Variants in TRIM33 observed in about 807,000 individuals in gnomAD.
The protein encoded by TRIM33 is E3 ubiquitin-protein ligase TRIM33.
In TRIM33, 20 loss-of-function variants were observed where a neutral mutation model predicts 125.4. The ratio of observed to expected loss-of-function variants is 0.16; its 90% CI spans 0.11 to 0.23. TRIM33 has a LOEUF of 0.23. Ranked by LOEUF, TRIM33 falls within the 10% of genes least tolerant of loss-of-function variation. TRIM33 has a pLI of 1.00. For synonymous variants in TRIM33, 564 were observed against 513.9 expected (o/e 1.10, Z -1.32); for missense variants, 920 against 1,411.4 (o/e 0.65, Z 5.58).
intron 1 of TRIM33, among the ~76,000 whole-genome samples, chr1:114,499,605 TAA>T (rs1409468609): frequency 6.6e-6 from 1 of 151,908 alleles, no homozygotes; most frequent in East Asian, 1.9e-4. Context: ...TATAGTAAAC[TAA>T]AAGTCTGCTT....
intron 4 of TRIM33, among the ~76,000 whole-genome samples, chr1:114,455,635 G>C (rs914570534): frequency 1.3e-5 from 2 of 152,132 alleles, no homozygotes; most frequent in Non-Finnish European, 2.9e-5. Flanking sequence ...TTTTAAAATG[G>C]GATGAATAAA....
intron 1 of TRIM33, among the ~76,000 whole-genome samples, chr1:114,478,176 C>T (rs1369317541): frequency 6.6e-6 from 1 of 152,192 alleles, no homozygotes; most frequent in African/African-American, 2.4e-5. Flanking sequence ...GGCACTGGCC[C>T]TCTTGCTTGA....
At chr1:114,447,794 A>G (rs1649079224) in intron 4 of TRIM33, among the ~76,000 whole-genome samples, 1 of 152,226 alleles carries the variant, frequency 6.6e-6, no homozygotes, top group Non-Finnish European at 1.5e-5. Context: ...AGGAACATTA[A>G]ACATGTGAAA....
rs1303078150 is a variant in TRIM33 at position 114,424,230 on chromosome 1, AT to A, written c.1860+360del. ...TTATATATTAGGATCAAAAAGCCAC[AT>A]TAAAAGAGCAGAGCAGCATTTTCAG... On this transcript the variant is annotated intron_variant, in intron 10 of 19. Coordinates refer to ENST00000358465, the MANE Select transcript of TRIM33 (RefSeq NM_015906.4). Among the ~76,000 whole-genome samples the A allele has an allele frequency of 3.9e-5, 6 of 152,312 alleles. No homozygotes were observed. The East Asian group carries it at 1.2e-3, about 29-fold the overall frequency.
intron 1 of TRIM33, among the ~76,000 whole-genome samples, chr1:114,500,965 C>T (rs913915739): frequency 3.1e-5 from 2 of 64,974 alleles, no homozygotes; most frequent in Admixed American, 1.2e-4. Flanking sequence ...CCGAGGCGGG[C>T]GGATCACGAG....
chr1:114,480,666 A>G (rs747901521), intron 1 of TRIM33, among the ~76,000 whole-genome samples: 7 of 152,156 alleles, frequency 4.6e-5, no homozygotes, highest in Non-Finnish European at 1.0e-4. Context: ...ACACACGGAA[A>G]ACAACTAGCA....
chr1:114,498,805 A>G (rs760500052), intron 1 of TRIM33, among the ~76,000 whole-genome samples: 5 of 152,198 alleles, frequency 3.3e-5, no homozygotes, highest in Non-Finnish European at 5.9e-5. Flanking sequence ...TAATAGTTCA[A>G]TAAGAGTGGG....
At chr1:114,481,975 G>A (rs915660215) in intron 1 of TRIM33, among the ~76,000 whole-genome samples, 1 of 152,136 alleles carries the variant, frequency 6.6e-6, no homozygotes, top group Non-Finnish European at 1.5e-5. Flanking sequence ...TGGCGCGGCT[G>A]GTCTTGAACT....
At chr1:114,447,913 G>A (rs1042721890) in intron 4 of TRIM33, among the ~76,000 whole-genome samples, 1 of 152,202 alleles carries the variant, frequency 6.6e-6, no homozygotes, top group African/African-American at 2.4e-5. Flanking sequence ...GTACAATGCT[G>A]ACAGTCAAAA....
intron 1 of TRIM33, among the ~76,000 whole-genome samples, chr1:114,481,860 A>C (rs1369147358): frequency 6.6e-6 from 1 of 151,820 alleles, no homozygotes; most frequent in Non-Finnish European, 1.5e-5. Flanking sequence ...ACCCAGTTCA[A>C]GTGATTCTCC....
rs767166695 is a variant in TRIM33, at chr1:114,397,603, T to C, written c.*45A>G. 6.8e-6 allele frequency: 8 copies of C among 1,172,326 alleles called. No individual in the cohort carries two copies. Among genetic ancestry groups the C allele is most frequent in the South Asian group, 1.4e-5 (1 of 73,236 alleles). 72.6% of individuals were successfully genotyped at this position (1,172,326 alleles called of 1,614,324 possible). A position where few individuals can be genotyped will look rare whatever the true frequency, so the allele number is the denominator to read the frequency against. On this transcript the variant is annotated 3_prime_UTR_variant, in exon 20 of 20. Coordinates refer to ENST00000358465, the MANE Select transcript of TRIM33 (RefSeq NM_015906.4). ...GGGTTTTTTGTGTTTTTTTTTTTTT[T>C]TTCGTTTTTTTTTTTTTAAACAATT... is the stretch of plus-strand genomic sequence containing the variant.
intron 4 of TRIM33, among the ~76,000 whole-genome samples, chr1:114,456,072 A>G (rs1649599229): frequency 6.6e-6 from 1 of 152,226 alleles, no homozygotes; most frequent in African/African-American, 2.4e-5. Context: ...GTAAACATTT[A>G]GATTAAAACT....
Position 114,463,454 on chromosome 1 carries a change from A to T in TRIM33, c.748T>A (p.Phe250Ile), listed in dbSNP as rs376985237. ...TTCCTGATCAAGTGATCTTTAGTAA[A>T]TTTTACTCTTTGATGTGCTTCGATA... ...TCIEAHQRVK[F>I]TKDHLIRKKE... is the part of the protein sequence containing the mutation. The change falls in exon 3 of 20, where the codon TTT becomes ATT. Residue 250 changes from phenylalanine to isoleucine, a missense_variant. Phe to Ile is a conservative substitution (Grantham distance 21). This residue lies in a region of TRIM33 where 24 missense variants were observed against 83.9 expected (regional missense o/e 0.29). Transcript: ENST00000358465. The T allele has an allele frequency of 6.2e-7, 1 of 1,613,308 alleles. No homozygotes were observed. Among genetic ancestry groups the T allele is most frequent in the Non-Finnish European group, 8.5e-7 (1 of 1,179,562 alleles).
intron 1 of TRIM33, among the ~76,000 whole-genome samples, chr1:114,469,971 T>C (rs1422515124): frequency 6.6e-6 from 1 of 152,224 alleles, no homozygotes; most frequent in East Asian, 1.9e-4. Flanking sequence ...ATAATGTCAG[T>C]AAGTATTTCC....
In TRIM33 at chr1:114,510,856, G is replaced by A. The variant is rs756095866; in HGVS notation, c.221C>T (p.Ser74Leu). The change falls in exon 1 of 20, where the codon TCG becomes TTG. Residue 74 changes from serine (S) to leucine (L), a missense_variant. Transcript: ENST00000358465. ...DGGVAAASSG[S>L]AQAASSPAAS... is the part of the protein sequence containing the mutation. ...CGCAGGAGATGAAGCAGCCTGGGCCGAGCCCGAGGAGGCCGCGGCCACCCC... is the reference window on the plus strand; with the variant it reads ...CGCAGGAGATGAAGCAGCCTGGGCCAAGCCCGAGGAGGCCGCGGCCACCCC... The A allele has an allele frequency of 7.5e-6, 11 of 1,472,416 alleles. No homozygotes were observed. The highest frequency in any genetic ancestry group is 1.5e-5 in the African/African-American group (1 of 68,076). 91.2% of individuals were successfully genotyped at this position (1,472,416 alleles called of 1,614,324 possible).
chr1:114,430,722 T>C, intron 6 of TRIM33, 76 bp downstream of exon 6: 1 of 824,826 alleles, frequency 1.2e-6, no homozygotes, highest in Non-Finnish European at 2.1e-6. Context: ...CCATCTAAAA[T>C]AGTTTTCAAT....
chr1:114,445,267 T>A (rs1185282547), intron 4 of TRIM33, among the ~76,000 whole-genome samples: 1 of 152,144 alleles, frequency 6.6e-6, no homozygotes, highest in East Asian at 1.9e-4. Flanking sequence ...TAGGTCTCAC[T>A]CTCTCACCCA....
chr1:114,415,847 G>C (rs1237926947), intron 11 of TRIM33, among the ~76,000 whole-genome samples: 1 of 151,220 alleles, frequency 6.6e-6, no homozygotes, highest in African/African-American at 2.4e-5. Flanking sequence ...AGCTACTCTG[G>C]AGGCTGAGGC....
At position 114,396,245 on chromosome 1, in the gene TRIM33, A is replaced by G; in HGVS notation, c.*1403T>C. The G allele has an allele frequency of 4.9e-6, 1 of 204,800 alleles. No individual in the cohort carries two copies. The allele number at this position is 204,800 out of a possible 1,614,324, so 12.7% of individuals were successfully genotyped here. On this transcript the variant is annotated 3_prime_UTR_variant, in exon 20 of 20. Transcript: ENST00000358465. ...ATCACAAATGAAGAAAAGAAAAATG[A>G]ACCAGAGCCAAGTTGGTTTATCGGC...
Sources: gnomAD v4.1 joint callset for allele counts (sites outside exome capture counted in the v4.1 genomes callset) on GRCh38, gnomAD v4.1.1 for gene constraint, gnomAD v4.1.1 regional missense constraint, MANE v1.5 for transcripts, NCBI Gene and HGNC (gene_info 2026-07-23, HGNC 2026-07-21) for gene names.